The following TTBK2 variants were observed in gnomAD, a reference collection of about 807,000 sequenced individuals.
The protein encoded by TTBK2 is tau tubulin kinase 2.
Under a neutral mutation model 110.8 loss-of-function variants are expected in TTBK2, and 28 were observed. That is an observed-to-expected ratio of 0.25 (90% CI 0.19 to 0.35). The LOEUF is 0.35. Ranked by LOEUF, TTBK2 falls within the 10% of genes least tolerant of loss-of-function variation. The pLI, the probability that TTBK2 is intolerant of heterozygous loss-of-function variation, is 1.00. For synonymous variants in TTBK2, 532 were observed against 527.3 expected, an observed-to-expected ratio of 1.01 and a Z score of -0.12; for missense variants, 1,369 against 1,500.3, an observed-to-expected ratio of 0.91 and a Z score of 1.45.
At chr15:42,802,104 GA>G in intron 9 of TTBK2, 1 of 1,458,798 alleles carries the variant, frequency 6.9e-7, no homozygotes. Flanking sequence ...CTATGAAGGA[GA>G]AAAACTTGTT....
At chr15:42,783,367 A>G in intron 11 of TTBK2, 52 bp downstream of exon 11, 6 of 1,576,926 alleles carry the variant, frequency 3.8e-6, no homozygotes, top group Non-Finnish European at 5.2e-6. Context: ...TGGACTTCCC[A>G]GCCTTCTGAA....
At chr15:42,803,203 G>A (rs1350245229) in intron 9 of TTBK2, among the ~76,000 whole-genome samples, 3 of 152,072 alleles carry the variant, frequency 2.0e-5, no homozygotes, top group Non-Finnish European at 4.4e-5. Context: ...TACACACCTA[G>A]GCTATATAGT....
chr15:42,826,722 G>A (rs949905922), intron 6 of TTBK2, among the ~76,000 whole-genome samples: 12 of 152,246 alleles, frequency 7.9e-5, no homozygotes, highest in African/African-American at 2.2e-4. Flanking sequence ...GAGTCATTCT[G>A]AACCTATTCT....
chr15:42,855,486 T>C (rs1893894008), intron 3 of TTBK2, among the ~76,000 whole-genome samples: 1 of 152,142 alleles, frequency 6.6e-6, no homozygotes, highest in African/African-American at 2.4e-5. Flanking sequence ...CAAAGAATAC[T>C]GGAGTTATAC....
At chr15:42,792,910 T>C (rs1890761059) in intron 10 of TTBK2, among the ~76,000 whole-genome samples, 1 of 152,246 alleles carries the variant, frequency 6.6e-6, no homozygotes, top group South Asian at 2.1e-4. Context: ...GAACATAAAC[T>C]GCCTTCATTG....
chr15:42,800,227 A>G, intron 9 of TTBK2: 1 of 419,406 alleles, frequency 2.4e-6, no homozygotes, highest in Non-Finnish European at 4.6e-6. Context: ...TTTAATAACT[A>G]GAAAAAATTA....
intron 9 of TTBK2, chr15:42,800,854 G>A: frequency 3.3e-6 from 2 of 599,858 alleles, no homozygotes; most frequent in Non-Finnish European, 5.9e-6. Flanking sequence ...GATGGGCTGA[G>A]GGCTAGGGCT....
chr15:42,779,389 A>G (rs752179370), intron 11 of TTBK2, among the ~76,000 whole-genome samples: 4 of 150,740 alleles, frequency 2.7e-5, no homozygotes, highest in Non-Finnish European at 4.4e-5. Flanking sequence ...AGCCTGGGCA[A>G]CAAAGCAAAA....
At position 42,819,060 on chromosome 15, in the gene TTBK2, T is replaced by C. The variant is rs112986964; in HGVS notation, c.538-1963A>G. 6.1e-3 allele frequency among the ~76,000 whole-genome samples: 923 copies of C among 151,508 alleles called. 11 individuals are homozygous for C. The highest frequency in any genetic ancestry group is 0.021 in the African/African-American group (872 of 41,458). On this transcript the variant is annotated intron_variant, in intron 6 of 14. Transcript: ENST00000267890. ...TGACAACTGCCAAACTTGAAAATGA[T>C]CATAGACACACTTTTCATTAGTATA...
At chr15:42,891,603 G>T (rs538747732) in intron 1 of TTBK2, among the ~76,000 whole-genome samples, 45 of 152,168 alleles carry the variant, frequency 3.0e-4, no homozygotes, top group Non-Finnish European at 5.0e-4. Context: ...GTACCAAGAG[G>T]GTGGTGTACC....
At chr15:42,883,552 G>A (rs187861998) in intron 1 of TTBK2, among the ~76,000 whole-genome samples, 106 of 151,600 alleles carry the variant, frequency 7.0e-4, no homozygotes, top group African/African-American at 2.3e-3. Flanking sequence ...TAGATATATC[G>A]TAAGCCCTAT....
intron 3 of TTBK2, among the ~76,000 whole-genome samples, chr15:42,851,629 C>T (rs1201901912): frequency 1.3e-5 from 2 of 151,772 alleles, no homozygotes; most frequent in African/African-American, 2.4e-5. Flanking sequence ...TATATACATA[C>T]ATATATAAAC....
intron 3 of TTBK2, among the ~76,000 whole-genome samples, chr15:42,845,682 T>C (rs558324217): frequency 6.8e-5 from 10 of 146,734 alleles, no homozygotes; most frequent in Admixed American, 1.4e-4. Context: ...CTATTTTCCA[T>C]GTAAGCTAGG....
chr15:42,907,084 T>C (rs754881387), intron 1 of TTBK2, among the ~76,000 whole-genome samples: 6 of 151,760 alleles, frequency 4.0e-5, no homozygotes, highest in Admixed American at 2.0e-4. Context: ...TTAATATCAC[T>C]AATCAGAGAA....
intron 8 of TTBK2, 93 bp from the exon 9 acceptor site, chr15:42,810,832 G>A: frequency 3.5e-6 from 5 of 1,426,734 alleles, no homozygotes; most frequent in Non-Finnish European, 3.9e-6. Context: ...GTATGTACTA[G>A]GGAATGAGAT....
intron 14 of TTBK2, among the ~76,000 whole-genome samples, chr15:42,750,071 G>C (rs140237745): frequency 1.3e-5 from 2 of 152,254 alleles, no homozygotes; most frequent in East Asian, 3.9e-4. Flanking sequence ...GGGTGACAGA[G>C]TGAGATCCTG....
At chr15:42,818,620 A>T (rs1001108789) in intron 6 of TTBK2, among the ~76,000 whole-genome samples, 20 of 151,964 alleles carry the variant, frequency 1.3e-4, no homozygotes, top group South Asian at 2.1e-4. Flanking sequence ...CTCGGGAGGC[A>T]GAGGCAGGAG....
At chr15:42,763,179 T>TACAC (rs1567008988) in intron 13 of TTBK2, among the ~76,000 whole-genome samples, 1 of 22,364 alleles carries the variant, frequency 4.5e-5, no homozygotes, top group Non-Finnish European at 8.1e-5. Context: ...TATATATATA[T>TACAC]ATATATATAT....
At chr15:42,833,049 C>G (rs573749927) in intron 4 of TTBK2, among the ~76,000 whole-genome samples, 1 of 151,628 alleles carries the variant, frequency 6.6e-6, no homozygotes, top group South Asian at 2.1e-4. Context: ...GTCTACTGGA[C>G]GGGGAGGATT....
Sources: allele counts gnomAD v4.1 joint callset (sites outside exome capture counted in the v4.1 genomes callset), GRCh38; gene constraint gnomAD v4.1.1; transcripts MANE v1.5; gene names NCBI Gene and HGNC (gene_info 2026-07-23, HGNC 2026-07-21).